Variants in EYA1 observed in about 807,000 individuals in gnomAD.
EYA1 encodes EYA transcriptional coactivator and phosphatase 1.
EYA1 carries 16 observed loss-of-function variants against 82.0 expected under a neutral mutation model. That is an observed-to-expected ratio of 0.20 (90% CI 0.13 to 0.30). The LOEUF (loss-of-function observed/expected upper bound fraction) is 0.30, where lower values mean the gene tolerates loss of function less well. Ranked by LOEUF, EYA1 falls within the 10% of genes least tolerant of loss-of-function variation. The pLI is 1.00. For synonymous variants in EYA1, 261 were observed against 264.4 expected, an observed-to-expected ratio of 0.99 and a Z score of 0.12; for missense variants, 633 against 730.7, an observed-to-expected ratio of 0.87 and a Z score of 1.54.
Position 71,361,841 on chromosome 8 carries a change from T to A in EYA1, c.-249A>T. ...AAGCTCGGCGCAGGGGGCAGGCGCC[T>A]GGCCGCTGCCGCAGGCTCGGGCTGC... On this transcript the variant is annotated 5_prime_UTR_variant, in exon 1 of 18. Transcript: ENST00000340726. 6 of 985,418 alleles carry A rather than the reference T, an allele frequency of 6.1e-6. No individual in the cohort carries two copies. The highest frequency in any genetic ancestry group is 7.2e-6 in the Non-Finnish European group (6 of 829,924). The allele number at this position is 985,418 out of a possible 1,614,324, so 61.0% of individuals were successfully genotyped here.
At chr8:71,542,055 A>T (rs1815180775) in intron 1 of EYA1, among the ~76,000 whole-genome samples, 1 of 152,172 alleles carries the variant, frequency 6.6e-6, no homozygotes, top group Non-Finnish European at 1.5e-5. Context: ...AAGAGATACA[A>T]AATATCTACT....
At chr8:71,200,413 T>C (rs1563599930) in intron 17 of EYA1, among the ~76,000 whole-genome samples, 2 of 152,208 alleles carry the variant, frequency 1.3e-5, no homozygotes, top group Admixed American at 6.5e-5. Context: ...ACTATTTTGA[T>C]ATGTAGATCA....
At chr8:71,342,424 T>G (rs894655672) in intron 3 of EYA1, among the ~76,000 whole-genome samples, 1 of 152,142 alleles carries the variant, frequency 6.6e-6, no homozygotes, top group Non-Finnish European at 1.5e-5. Flanking sequence ...CCTATTCAAA[T>G]TCTACCCATT....
chr8:71,415,341 T>C (rs1016443345), intron 2 of EYA1, among the ~76,000 whole-genome samples: 1 of 152,256 alleles, frequency 6.6e-6, no homozygotes, highest in African/African-American at 2.4e-5. Flanking sequence ...ACTATAATTC[T>C]AAGTGCTTTA....
At chr8:71,315,901 T>C (rs182483899) in intron 7 of EYA1, among the ~76,000 whole-genome samples, 12 of 152,210 alleles carry the variant, frequency 7.9e-5, no homozygotes, top group Non-Finnish European at 1.6e-4. Flanking sequence ...TTGAATCAAA[T>C]GCAAAATCAA....
chr8:71,233,975 G>C (rs575814543), intron 12 of EYA1, among the ~76,000 whole-genome samples: 5 of 152,128 alleles, frequency 3.3e-5, no homozygotes, highest in African/African-American at 4.8e-5. Flanking sequence ...TTTCCCAGTG[G>C]GGGGTAGACC....
chr8:71,451,382 C>T (rs747588746), intron 2 of EYA1, among the ~76,000 whole-genome samples: 3 of 151,968 alleles, frequency 2.0e-5, no homozygotes, highest in Non-Finnish European at 4.4e-5. Context: ...TCTTCAGAAA[C>T]TATTGGAGAA....
chr8:71,443,105 A>G (rs1806551726), intron 2 of EYA1, among the ~76,000 whole-genome samples: 1 of 152,210 alleles, frequency 6.6e-6, no homozygotes, highest in Non-Finnish European at 1.5e-5. Context: ...TGTCATGGCT[A>G]GGTATTAAAA....
chr8:71,541,132 G>C (rs1246105743), intron 1 of EYA1, among the ~76,000 whole-genome samples: 1 of 152,154 alleles, frequency 6.6e-6, no homozygotes, highest in Non-Finnish European at 1.5e-5. Flanking sequence ...CAGAGATTGG[G>C]TGTACTCAGA....
At chr8:71,287,663 G>C (rs1818537184) in intron 9 of EYA1, among the ~76,000 whole-genome samples, 1 of 152,190 alleles carries the variant, frequency 6.6e-6, no homozygotes, top group African/African-American at 2.4e-5. Context: ...GGGCTTTAGT[G>C]TCTGAAACAA....
chr8:71,469,304 G>A (rs1333561086), intron 2 of EYA1, among the ~76,000 whole-genome samples: 1 of 152,016 alleles, frequency 6.6e-6, no homozygotes, highest in African/African-American at 2.4e-5. Flanking sequence ...TTAAAATTGT[G>A]GGATCTAGAG....
At chr8:71,432,343 A>G (rs1402495801) in intron 2 of EYA1, among the ~76,000 whole-genome samples, 1 of 152,230 alleles carries the variant, frequency 6.6e-6, no homozygotes, top group Non-Finnish European at 1.5e-5. Flanking sequence ...GGCTTTTAAA[A>G]AGAAACGGTA....
At chr8:71,489,726 G>A (rs1432041149) in intron 2 of EYA1, among the ~76,000 whole-genome samples, 2 of 152,188 alleles carry the variant, frequency 1.3e-5, no homozygotes, top group Non-Finnish European at 2.9e-5. Context: ...CTTGCTCTAG[G>A]CCTGCAAAAA....
chr8:71,258,826 A>G (rs2128928379), intron 11 of EYA1, among the ~76,000 whole-genome samples: 1 of 152,292 alleles, frequency 6.6e-6, no homozygotes, highest in Middle Eastern at 3.4e-3. Flanking sequence ...GGCGGTATGT[A>G]TTTATCCTCA....
At chr8:71,480,975 C>T (rs28437606) in intron 2 of EYA1, among the ~76,000 whole-genome samples, 7,122 of 151,780 alleles carry the variant, frequency 0.047, 549 homozygotes, top group African/African-American at 0.16. Context: ...AAGCAAATGT[C>T]AAAACTCAAC....
At chr8:71,256,404 A>G (rs1814423373) in intron 11 of EYA1, among the ~76,000 whole-genome samples, 1 of 152,232 alleles carries the variant, frequency 6.6e-6, no homozygotes, top group South Asian at 2.1e-4. Flanking sequence ...ACATGTTATA[A>G]CACGGATGAA....
At chr8:71,337,932 T>G (rs1046263862) in intron 3 of EYA1, among the ~76,000 whole-genome samples, 6 of 152,216 alleles carry the variant, frequency 3.9e-5, no homozygotes, top group African/African-American at 1.4e-4. Context: ...TGCCTCGGCT[T>G]CCTCATCTGT....
intron 2 of EYA1, among the ~76,000 whole-genome samples, chr8:71,427,610 G>A (rs1458862382): frequency 6.6e-6 from 1 of 152,122 alleles, no homozygotes; most frequent in Non-Finnish European, 1.5e-5. Context: ...ATAACGCCTA[G>A]TGAGGTCACT....
chr8:71,399,035 A>C (rs932995156), intron 2 of EYA1, among the ~76,000 whole-genome samples: 9 of 152,168 alleles, frequency 5.9e-5, no homozygotes, highest in African/African-American at 2.2e-4. Context: ...CTTGCAGTTC[A>C]ATCTCAGACT....
Sources: gnomAD v4.1 joint callset for allele counts (sites outside exome capture counted in the v4.1 genomes callset) on GRCh38, gnomAD v4.1.1 for gene constraint, MANE v1.5 for transcripts, NCBI Gene and HGNC (gene_info 2026-07-23, HGNC 2026-07-21) for gene names.